The following KCNK2 variants were observed in gnomAD, a reference collection of about 807,000 sequenced individuals.
KCNK2 encodes the protein potassium channel subfamily K member 2.
A neutral mutation model predicts 40.5 loss-of-function variants in KCNK2; 21 were observed. That is an observed-to-expected ratio of 0.52 (90% CI 0.37 to 0.75). The LOEUF is 0.75. Among genes scored for constraint, KCNK2 ranks in the 30% least tolerant of loss-of-function variants. KCNK2 has a pLI of 0.00. For missense variants in KCNK2, 399 were observed against 531.6 expected (o/e 0.75, Z 2.45); for synonymous variants, 191 against 202.2 (o/e 0.94, Z 0.47).
At chr1:215,099,676 A>C (rs1660128612) in intron 2 of KCNK2, among the ~76,000 whole-genome samples, 1 of 151,998 alleles carries the variant, frequency 6.6e-6, no homozygotes, top group Non-Finnish European at 1.5e-5. Context: ...AGACCCCATC[A>C]CATGACCACA....
intron 6 of KCNK2, among the ~76,000 whole-genome samples, chr1:215,203,406 C>T (rs887593280): frequency 6.6e-5 from 10 of 151,910 alleles, no homozygotes; most frequent in Admixed American, 6.6e-5. Context: ...TTTGCTGTGA[C>T]GATGTGGTGA....
At chr1:215,038,108 T>C (rs1657446762) in intron 1 of KCNK2, among the ~76,000 whole-genome samples, 5 of 152,194 alleles carry the variant, frequency 3.3e-5, no homozygotes, top group Middle Eastern at 6.8e-3. Flanking sequence ...TCTACCTTTT[T>C]ATCTTCAACT....
At chr1:215,209,344 T>TATATTATATATAATATATGC (rs1392290779) in intron 6 of KCNK2, among the ~76,000 whole-genome samples, 5 of 89,968 alleles carry the variant, frequency 5.6e-5, no homozygotes, top group African/African-American at 2.2e-4. Flanking sequence ...ATATATAATA[T>TATATTATATATAATATATGC]ATATATTATA....
At chr1:215,044,822 T>TGCGC (rs1172451883) in intron 1 of KCNK2, among the ~76,000 whole-genome samples, 1 of 65,676 alleles carries the variant, frequency 1.5e-5, no homozygotes, top group Non-Finnish European at 3.7e-5. Flanking sequence ...TGTGTGTGTG[T>TGCGC]GTGTGCGCGC....
At chr1:215,201,777 A>G (rs1274706477) in intron 6 of KCNK2, among the ~76,000 whole-genome samples, 1 of 152,052 alleles carries the variant, frequency 6.6e-6, no homozygotes, top group African/African-American at 2.4e-5. Context: ...TCTTCCTCCA[A>G]TGCTAGAAAA....
chr1:215,011,769 C>T (rs1656399752), intron 1 of KCNK2, among the ~76,000 whole-genome samples: 1 of 151,820 alleles, frequency 6.6e-6, no homozygotes, highest in Non-Finnish European at 1.5e-5. Flanking sequence ...CCACGCCCAG[C>T]TATATTTTTT....
chr1:215,191,018 C>T (rs1423169318), intron 5 of KCNK2, among the ~76,000 whole-genome samples: 2 of 150,842 alleles, frequency 1.3e-5, no homozygotes, highest in Admixed American at 6.6e-5. Flanking sequence ...GGCATGGTGG[C>T]TCATGCCTGT....
rs1196938031 is a variant in KCNK2, at chr1:215,007,175, A to G, written c.34+1220A>G. On this transcript the variant is annotated intron_variant, in intron 1 of 6. Transcript: ENST00000391895. Reference sequence around the variant, plus strand: ...TATATATGTATGTATATATATATGTATGTGTGTGGGTATATATATATATAT... The same window carrying G: ...TATATATGTATGTATATATATATGTGTGTGTGTGGGTATATATATATATAT... 1.7e-3 allele frequency among the ~76,000 whole-genome samples: 130 copies of G among 74,326 alleles called. 2 individuals carry two copies. The highest frequency in any genetic ancestry group is 7.6e-3 in the African/African-American group (111 of 14,548). 48.8% of individuals were successfully genotyped at this position (74,326 alleles called of 152,430 possible).
chr1:215,216,595 CAT>C (rs1159373814), intron 6 of KCNK2, among the ~76,000 whole-genome samples: 1 of 129,796 alleles, frequency 7.7e-6, no homozygotes, highest in African/African-American at 2.7e-5. Flanking sequence ...GCAAGCCACA[CAT>C]GTAATTTTTA....
At chr1:215,193,211 A>G (rs1011785469) in intron 5 of KCNK2, among the ~76,000 whole-genome samples, 1 of 152,112 alleles carries the variant, frequency 6.6e-6, no homozygotes, top group African/African-American at 2.4e-5. Flanking sequence ...ATAATGTTAT[A>G]CTCAGTATTT....
At chr1:215,115,919 A>T (rs10779640) in intron 2 of KCNK2, among the ~76,000 whole-genome samples, 113,982 of 150,304 alleles carry the variant, frequency 0.76, 43,573 homozygotes, top group African/African-American at 0.78. Flanking sequence ...ACATATGTAG[A>T]CTGGCTCCTT....
chr1:215,206,338 A>G (rs981132831), intron 6 of KCNK2, among the ~76,000 whole-genome samples: 5 of 152,182 alleles, frequency 3.3e-5, no homozygotes, highest in Non-Finnish European at 7.3e-5. Context: ...ATTAAGTTGA[A>G]CTGTGTGAAA....
chr1:215,067,771 C>A (rs539174453), intron 1 of KCNK2, among the ~76,000 whole-genome samples: 2 of 152,156 alleles, frequency 1.3e-5, no homozygotes, highest in South Asian at 2.1e-4. Flanking sequence ...AAGGCTGAGG[C>A]AGGAGAATTG....
chr1:215,031,971 C>A (rs1571859085), intron 1 of KCNK2, among the ~76,000 whole-genome samples: 1 of 152,138 alleles, frequency 6.6e-6, no homozygotes, highest in Non-Finnish European at 1.5e-5. Context: ...CAAAATAATT[C>A]TAAATTTTCC....
chr1:215,131,414 T>C (rs892084226), intron 3 of KCNK2, among the ~76,000 whole-genome samples: 8 of 147,042 alleles, frequency 5.4e-5, no homozygotes, highest in Non-Finnish European at 7.5e-5. Context: ...ATATTTATAT[T>C]TTATATAATT....
intron 1 of KCNK2, among the ~76,000 whole-genome samples, chr1:215,031,447 C>T (rs1657185635): frequency 6.6e-6 from 1 of 152,106 alleles, no homozygotes; most frequent in Non-Finnish European, 1.5e-5. Flanking sequence ...ATTTTTTAGG[C>T]TTACACCTAA....
At chr1:215,083,664 G>A in intron 1 of KCNK2, 1 of 598,508 alleles carries the variant, frequency 1.7e-6, no homozygotes, top group South Asian at 2.0e-5. Flanking sequence ...ATCTGCCTGA[G>A]GTATGGGTTT....
intron 3 of KCNK2, among the ~76,000 whole-genome samples, chr1:215,143,805 A>G (rs561077588): frequency 6.6e-6 from 1 of 152,246 alleles, no homozygotes; most frequent in East Asian, 1.9e-4. Flanking sequence ...AACTGATGAT[A>G]TATGTTCGCC....
chr1:215,038,409 G>A (rs1294395168), intron 1 of KCNK2, among the ~76,000 whole-genome samples: 2 of 152,100 alleles, frequency 1.3e-5, no homozygotes, highest in Admixed American at 6.6e-5. Flanking sequence ...GAGAACTGTG[G>A]TAAGAGTTGA....
Sources: allele counts gnomAD v4.1 joint callset (sites outside exome capture counted in the v4.1 genomes callset), GRCh38; gene constraint gnomAD v4.1.1; transcripts MANE v1.5; gene names NCBI Gene and HGNC (gene_info 2026-07-23, HGNC 2026-07-21).